Variants in GSDMA observed in about 807,000 individuals in gnomAD.
The protein encoded by GSDMA is gasdermin-A.
In GSDMA, 55 loss-of-function variants were observed where a neutral mutation model predicts 54.3. That is an observed-to-expected ratio of 1.01 (90% CI 0.82 to 1.27). GSDMA has a LOEUF of 1.27. Among genes scored for constraint, GSDMA ranks in the 50% most tolerant of loss-of-function variants. The pLI is 0.00. For synonymous variants in GSDMA, 211 were observed against 224.7 expected (o/e 0.94, Z 0.54); for missense variants, 542 against 542.6 (o/e 1.00, Z 0.01).
In GSDMA at chr17:39,966,404, TGG is replaced by T. The variant is rs1979667710; in HGVS notation, c.360_361del (p.Ala121SerfsTer96). ...ACTCTGGAGGTCCAGACACTCAGTG[TGG>T]CTCCCAAGGCCCTGGAGACCGTGCA... On this transcript the variant is annotated frameshift_variant, in exon 3 of 12. Transcript: ENST00000301659. LOFTEE classifies it high-confidence loss of function. 1 of 1,612,528 alleles carries T rather than the reference TGG, an allele frequency of 6.2e-7. No homozygotes were observed. The highest frequency in any genetic ancestry group is 1.7e-5 in the Admixed American group (1 of 59,512).
At chr17:39,966,138 G>A (rs1598302302) in intron 2 of GSDMA, 122 bp from the exon 3 acceptor site, 2 of 1,029,042 alleles carry the variant, frequency 1.9e-6, no homozygotes, top group East Asian at 2.4e-5. Flanking sequence ...TGTTGCCCAG[G>A]CTGGTTTCAA....
chr17:39,966,469 G>A (rs1237042070), intron 3 of GSDMA, 32 bp downstream of exon 3: 1 of 1,553,870 alleles, frequency 6.4e-7, no homozygotes, highest in African/African-American at 1.4e-5. Context: ...GGTCTCCCGG[G>A]ATGTGGGTGG....
At chr17:39,973,454 G>A (rs749183930) in intron 7 of GSDMA, among the ~76,000 whole-genome samples, 4 of 151,360 alleles carry the variant, frequency 2.6e-5, no homozygotes, top group Non-Finnish European at 4.4e-5. Flanking sequence ...TATAGATGGG[G>A]TTTCACCATG....
chr17:39,967,029 T>C (rs1979701480), intron 3 of GSDMA, among the ~76,000 whole-genome samples: 2 of 151,830 alleles, frequency 1.3e-5, no homozygotes, highest in Non-Finnish European at 2.9e-5. Context: ...GACTTTTAAG[T>C]AGTTAAGTAG....
chr17:39,971,383 C>G lies in GSDMA; in HGVS notation c.559-141C>G, dbSNP rs188740605. On this transcript the variant is annotated intron_variant, in intron 4 of 11. Transcript: ENST00000301659. The stretch of plus-strand genomic sequence containing the variant: ...TGAAGTCCTTCCTCAGAGTCCAGAC[C>G]AGGGACACCACTGAAGGCTTCCAGC... 72 of 627,036 alleles carry G rather than the reference C, an allele frequency of 1.1e-4. No homozygotes were observed. In the Middle Eastern group the frequency reaches 1.3e-3, roughly 11 times the overall value. The allele number at this position is 627,036 out of a possible 1,614,324, so 38.8% of individuals were successfully genotyped here.
chr17:39,973,784 T>C (rs1312355678), intron 7 of GSDMA, 26 bp from the exon 8 acceptor site: 1 of 1,598,688 alleles, frequency 6.3e-7, no homozygotes, highest in Admixed American at 1.7e-5. Flanking sequence ...TGCATTCTTA[T>C]CTTTTTTTTT....
chr17:39,965,016 AG>A (rs1239307383), intron 1 of GSDMA, among the ~76,000 whole-genome samples: 1 of 151,980 alleles, frequency 6.6e-6, no homozygotes, highest in Non-Finnish European at 1.5e-5. Flanking sequence ...GCTACTCAGG[AG>A]GCTGAAGTGG....
chr17:39,970,670 C>G (rs916287637), intron 4 of GSDMA, 23 bp downstream of exon 4: 1 of 1,417,802 alleles, frequency 7.1e-7, no homozygotes, highest in African/African-American at 1.5e-5. Flanking sequence ...CACACACACA[C>G]ACACACACAC....
chr17:39,965,684 G>A lies in GSDMA; in HGVS notation c.-4G>A. The A allele has an allele frequency of 1.3e-6, 2 of 1,598,380 alleles. No homozygotes were observed. The highest frequency in any genetic ancestry group is 1.7e-6 in the Non-Finnish European group (2 of 1,172,772). ...TCTCCTGTCTCCCCACCTCCACAGA[G>A]ACAATGACCATGTTTGAAAATGTCA... On this transcript the variant is annotated splice_region_variant and 5_prime_UTR_variant, in exon 2 of 12. Transcript: ENST00000301659.
rs60315845 is a variant in GSDMA at position 39,968,339 on chromosome 17, C to CTTTTTTTTTTTTTTTTTTTTT, written c.392+1908_392+1928dup. On this transcript the variant is annotated intron_variant, in intron 3 of 11. Coordinates refer to ENST00000301659, the MANE Select transcript of GSDMA (RefSeq NM_178171.5). Reference sequence around the variant, plus strand: ...ACAGGCGTGAGCCACTGAGCCCGGTCTTTTTTTTTTTTTTTTTTTTTTTTT... The same window carrying CTTTTTTTTTTTTTTTTTTTTT: ...ACAGGCGTGAGCCACTGAGCCCGGTCTTTTTTTTTTTTTTTTTTTTTTTTTTTTTTTTTTTTTTTTTTTTTT... Among the ~76,000 whole-genome samples, 14 of 41,364 alleles carry CTTTTTTTTTTTTTTTTTTTTT rather than the reference C, an allele frequency of 3.4e-4. 4 individuals are homozygous for CTTTTTTTTTTTTTTTTTTTTT. The highest frequency in any genetic ancestry group is 1.5e-3 in the African/African-American group (9 of 6,184). 27.1% of individuals were successfully genotyped at this position (41,364 alleles called of 152,430 possible).
At position 39,973,272 on chromosome 17, in the gene GSDMA, C is replaced by CTT. The variant is rs113462964; in HGVS notation, c.731-527_731-526dup. Reference sequence around the variant, plus strand: ...ACAGGCGTGAGCCACGGCGCCTGGCCTTTTTTTTTTTTCTTGAGACAGAGT... The same window carrying CTT: ...ACAGGCGTGAGCCACGGCGCCTGGCCTTTTTTTTTTTTTTCTTGAGACAGAGT... On this transcript the variant is annotated intron_variant, in intron 7 of 11. Transcript: ENST00000301659. Among the ~76,000 whole-genome samples the CTT allele has an allele frequency of 5.4e-4, 78 of 143,176 alleles. 1 individual carries two copies. Among genetic ancestry groups the CTT allele is most frequent in the Admixed American group, 1.5e-3 (21 of 14,440 alleles). 93.9% of individuals were successfully genotyped at this position (143,176 alleles called of 152,430 possible). A position where few individuals can be genotyped will look rare whatever the true frequency, so the allele number is the denominator to read the frequency against.
chr17:39,971,483 A>T, intron 4 of GSDMA, 41 bp from the exon 5 acceptor site: 1 of 1,502,966 alleles, frequency 6.7e-7, no homozygotes, highest in Non-Finnish European at 9.3e-7. Flanking sequence ...CTCATACTTA[A>T]GATGTCCAGA....
intron 4 of GSDMA, 33 bp downstream of exon 4, chr17:39,970,680 C>T (rs781033985): frequency 7.1e-7 from 1 of 1,410,830 alleles, no homozygotes; most frequent in Non-Finnish European, 9.3e-7. Flanking sequence ...CACACACACA[C>T]ACACTCTCAC....
At chr17:39,963,498 T>C (rs1416870034) in intron 1 of GSDMA, among the ~76,000 whole-genome samples, 1 of 152,030 alleles carries the variant, frequency 6.6e-6, no homozygotes, top group African/African-American at 2.4e-5. Flanking sequence ...ATAACTGGGG[T>C]GTGCCGATCG....
In GSDMA at chr17:39,972,168, C is replaced by T. The variant is rs1979982802; in HGVS notation, c.695C>T (p.Pro232Leu). ...TGCAATGATAACATGCAAACCTTCC[C>T]TCCTGGAGGTAAGTGAAATTGCTTA... ...HICNDNMQTFPPGEKSGEEKV... is the reference protein window; with the variant it reads ...HICNDNMQTFLPGEKSGEEKV... The change falls in exon 6 of 12, where the codon CCT becomes CTT. Residue 232 changes from proline (P) to leucine (L), a missense_variant. Physicochemically the swap from Pro to Leu is moderately conservative, Grantham distance 98 (BLOSUM62 -3). Transcript: ENST00000301659. The T allele has an allele frequency of 6.3e-7, 1 of 1,588,694 alleles. No homozygotes were observed. Among genetic ancestry groups the T allele is most frequent in the Non-Finnish European group, 8.6e-7 (1 of 1,164,826 alleles).
Position 39,966,455 on chromosome 17 carries a change from T to C in GSDMA, c.392+18T>C, listed in dbSNP as rs9914973. 515,865 of 1,570,046 alleles carry C rather than the reference T, an allele frequency of 0.33. 86,159 individuals are homozygous for C. The highest frequency in any genetic ancestry group is 0.43 in the Middle Eastern group (2,160 of 5,062). On this transcript the variant is annotated intron_variant, in intron 3 of 11. Coordinates refer to ENST00000301659, the MANE Select transcript of GSDMA (RefSeq NM_178171.5). ...CAGGAGAGGTGAGAGTGGGCGGGAC[T>C]GAGGGTCTCCCGGGATGTGGGTGGG...
chr17:39,974,117 G>A (rs75894622), intron 8 of GSDMA, among the ~76,000 whole-genome samples, 156 bp from the exon 9 acceptor site: 26 of 152,208 alleles, frequency 1.7e-4, no homozygotes, highest in South Asian at 4.2e-4. Flanking sequence ...TTCTGTCACC[G>A]CATTCCTTGG....
At chr17:39,964,531 T>C (rs1359278491) in intron 1 of GSDMA, among the ~76,000 whole-genome samples, 2 of 151,496 alleles carry the variant, frequency 1.3e-5, no homozygotes, top group Non-Finnish European at 2.9e-5. Context: ...ATGGCACCAC[T>C]GCACTCCACC....
rs1310264510 is a variant in GSDMA, at chr17:39,972,177, G to A, written c.703+1G>A. The A allele has an allele frequency of 6.2e-7, 1 of 1,601,538 alleles. No individual in the cohort carries two copies. Among genetic ancestry groups the A allele is most frequent in the Non-Finnish European group, 8.5e-7 (1 of 1,172,348 alleles). On this transcript the variant is annotated splice_donor_variant, in intron 6 of 11. Coordinates refer to ENST00000301659, the MANE Select transcript of GSDMA (RefSeq NM_178171.5). LOFTEE classifies it high-confidence loss of function. ...AACATGCAAACCTTCCCTCCTGGAG[G>A]TAAGTGAAATTGCTTACGGGCTTCC...
Sources: allele counts gnomAD v4.1 joint callset (sites outside exome capture counted in the v4.1 genomes callset), GRCh38; gene constraint gnomAD v4.1.1; transcripts MANE v1.5; gene names NCBI Gene and HGNC (gene_info 2026-07-23, HGNC 2026-07-21).